ACE: variants seen among roughly 807,000 people sequenced by gnomAD.
The protein encoded by ACE is angiotensin I converting enzyme.
In ACE, 122 loss-of-function variants were observed where a neutral mutation model predicts 162.3. The observed-to-expected ratio is 0.75, with a 90% CI of 0.65 to 0.87. The LOEUF (loss-of-function observed/expected upper bound fraction) is 0.87, where lower values mean the gene tolerates loss of function less well. Ranked by LOEUF, ACE falls within the 40% of genes least tolerant of loss-of-function variation. ACE has a pLI of 0.00. For synonymous variants in ACE, 796 were observed against 720.6 expected (o/e 1.10, Z -1.68); for missense variants, 1,799 against 1,735.1 (o/e 1.04, Z -0.65).
chr17:63,487,269 C>T (rs954560589), intron 15 of ACE, among the ~76,000 whole-genome samples, 196 bp downstream of exon 15: 4 of 152,124 alleles, frequency 2.6e-5, no homozygotes, highest in Non-Finnish European at 4.4e-5. Flanking sequence ...TACCATGCCC[C>T]GATCAGCTGC....
intron 19 of ACE, 81 bp from the exon 20 acceptor site, chr17:63,493,355 A>G: frequency 3.6e-6 from 5 of 1,374,306 alleles, no homozygotes; most frequent in Non-Finnish European, 5.2e-6. Flanking sequence ...CCCTGGGTAT[A>G]GCAAGGCCCA....
At chr17:63,486,456 C>T in intron 13 of ACE, 101 bp from the exon 14 acceptor site, 1 of 1,359,196 alleles carries the variant, frequency 7.4e-7, no homozygotes, top group Non-Finnish European at 1.0e-6. Flanking sequence ...CCACTGCCCC[C>T]TCACCACCAC....
In ACE at chr17:63,489,066, G is replaced by A. The variant is rs1474446784; in HGVS notation, c.2575G>A (p.Ala859Thr). 1 of 1,613,984 alleles carries A rather than the reference G, an allele frequency of 6.2e-7. No homozygotes were observed. The highest frequency in any genetic ancestry group is 1.7e-5 in the Admixed American group (1 of 60,022). Reference protein sequence around the residue: ...YLNLHAYVRRALHRHYGAQHI... With the variant: ...YLNLHAYVRRTLHRHYGAQHI... ...CAACCTGCATGCCTACGTGCGCCGG[G>A]CCCTGCACCGTCACTACGGGGCCCA... The change falls in exon 17 of 25, where the codon GCC becomes ACC. Residue 859 changes from alanine to threonine, a missense_variant. Physicochemically the swap from Ala to Thr is moderately conservative, Grantham distance 58. Transcript: ENST00000290866.
Position 63,496,897 on chromosome 17 carries a change from C to T in ACE, c.3603C>T (p.Phe1201=). The T allele has an allele frequency of 6.2e-7, 1 of 1,613,710 alleles. No homozygotes were observed. Among genetic ancestry groups the T allele is most frequent in the Non-Finnish European group, 8.5e-7 (1 of 1,180,018 alleles). The part of the protein sequence containing the change: ...NMSASAMLSY[F]KPLLDWLRTE... ...GCGCCTCGGCCATGTTGAGCTACTTCAAGCCGCTGCTGGACTGGCTCCGCA... is the reference window on the plus strand; with the variant it reads ...GCGCCTCGGCCATGTTGAGCTACTTTAAGCCGCTGCTGGACTGGCTCCGCA... The change falls in exon 24 of 25, where the codon TTC becomes TTT. Residue 1201 remains phenylalanine (F), a synonymous_variant. Transcript: ENST00000290866.
chr17:63,478,092 G>T lies in ACE; in HGVS notation c.411G>T (p.Arg137=), dbSNP rs3729659. ...CTGCCAACCTGCCCCTGGCTAAGCG[G>T]CAGCAGGTGGGCTGAGGGCTGAGGC... ...LGSANLPLAK[R]QQYNALLSNM... is the part of the protein sequence containing the mutation. Residue 137 remains arginine, a synonymous_variant, in exon 2 of 25, where the codon CGG becomes CGT. Transcript: ENST00000290866. The T allele has an allele frequency of 1.3e-4, 208 of 1,582,346 alleles. No homozygotes were observed. The African/African-American group carries it at 2.4e-3, about 18-fold the overall frequency.
Position 63,491,292 on chromosome 17 carries a change from G to C in ACE, c.2823G>C (p.Trp941Cys). The C allele has an allele frequency of 6.2e-7, 1 of 1,614,188 alleles. No individual in the cohort carries two copies. ...TGCTGCCCGTGCCTCCTGAGTTCTG[G>C]AACAAGTCGATGCTGGAGAAGCCAA... ...LGLLPVPPEFWNKSMLEKPTD... is the reference protein window; with the variant it reads ...LGLLPVPPEFCNKSMLEKPTD... The change falls in exon 19 of 25, where the codon TGG (tryptophan) becomes TGC (cysteine). Residue 941 changes from tryptophan (W) to cysteine (C), a missense_variant. Coordinates refer to ENST00000290866, the MANE Select transcript of ACE (RefSeq NM_000789.4). The surrounding 1 kb of genome is among the most constrained non-coding windows in gnomAD (Gnocchi z 4.4).
chr17:63,496,508 G>A lies in ACE; in HGVS notation c.3495G>A (p.Gln1165=), dbSNP rs1346793506. 8 of 1,614,120 alleles carry A rather than the reference G, an allele frequency of 5.0e-6. 1 individual carries two copies. In the South Asian group the frequency reaches 8.8e-5, roughly 18 times the overall value. ...CDIYQSKEAG[Q]RLATAMKLGF... ...TCTACCAGTCCAAGGAGGCCGGGCA[G>A]CGCCTGGCGTGAGTGTCCTCCAGCC... The change falls in exon 23 of 25, where the codon CAG becomes CAA. Residue 1165 remains glutamine (Q), a synonymous_variant. Transcript: ENST00000290866.
At chr17:63,481,234 G>GCGGGGGGGGGC in intron 6 of ACE, 46 bp downstream of exon 6, 3 of 624,020 alleles carry the variant, frequency 4.8e-6, no homozygotes, top group Non-Finnish European at 9.0e-6. Context: ...CGGGGGTGGG[G>GCGGGGGGGGGC]CGCAAAAAAA....
chr17:63,486,786 C>T (rs1391775301), intron 14 of ACE, 71 bp downstream of exon 14: 2 of 1,587,426 alleles, frequency 1.3e-6, no homozygotes, highest in African/African-American at 1.3e-5. Flanking sequence ...TCTGGCCTGG[C>T]CTTCACGCTG....
chr17:63,489,465 G>T (rs1253411712), intron 17 of ACE, among the ~76,000 whole-genome samples: 1 of 152,220 alleles, frequency 6.6e-6, no homozygotes, highest in Non-Finnish European at 1.5e-5. Context: ...AGCTGGGGAG[G>T]CTTTGCCAAG....
chr17:63,495,889 A>G (rs1599156938), intron 22 of ACE, among the ~76,000 whole-genome samples: 1 of 151,762 alleles, frequency 6.6e-6, no homozygotes, highest in Non-Finnish European at 1.5e-5. Context: ...GACATTTAAA[A>G]CCTCTTCAGA....
rs13306085 is a variant in ACE, at chr17:63,482,483, G to A, written c.1136G>A (p.Arg379Gln). The A allele has an allele frequency of 3.2e-5, 51 of 1,613,786 alleles. No individual in the cohort carries two copies. The highest frequency in any genetic ancestry group is 1.9e-4 in the South Asian group (17 of 91,062). ...CGCCCCAGGATCAAGCAGTGCACAC[G>A]GGTCACGATGGACCAGCTCTCCACA... The part of the protein sequence containing the change: ...RKDFRIKQCT[R>Q]VTMDQLSTVH... The change falls in exon 8 of 25, where the codon CGG (arginine) becomes CAG (glutamine). Residue 379 changes from arginine (R) to glutamine (Q), a missense_variant. Transcript: ENST00000290866.
At position 63,477,354 on chromosome 17, in the gene ACE, G is replaced by C. The variant is rs1347535904; in HGVS notation, c.249+11G>C. ...AATGCAAGGCGCCAGGTGGGCGCCC[G>C]GGCCCGGGCGGGGGCGGGGCGGGGC... On this transcript the variant is annotated intron_variant, in intron 1 of 24. Transcript: ENST00000290866. 3.1e-6 allele frequency: 4 copies of C among 1,282,616 alleles called. No individual in the cohort carries two copies. Among genetic ancestry groups the C allele is most frequent in the Non-Finnish European group, 4.0e-6 (4 of 1,008,476 alleles). 79.5% of individuals were successfully genotyped at this position (1,282,616 alleles called of 1,614,324 possible).
In ACE at chr17:63,494,003, G is replaced by A. The variant is rs141139841; in HGVS notation, c.3218G>A (p.Arg1073His). 10 of 1,613,998 alleles carry A rather than the reference G, an allele frequency of 6.2e-6. No individual in the cohort carries two copies. Among genetic ancestry groups the A allele is most frequent in the South Asian group, 2.2e-5 (2 of 91,078 alleles). Reference sequence around the variant, plus strand: ...TTCAGCTACCTCGTCGATCAGTGGCGCTGGAGGGTATTTGATGGAAGCATC... The same window carrying A: ...TTCAGCTACCTCGTCGATCAGTGGCACTGGAGGGTATTTGATGGAAGCATC... ...IPFSYLVDQW[R>H]WRVFDGSITK... Residue 1073 changes from arginine to histidine, a missense_variant, in exon 21 of 25, where the codon CGC becomes CAC. Transcript: ENST00000290866.
intron 2 of ACE, chr17:63,478,480 A>G (rs2049655062): frequency 3.2e-6 from 1 of 310,276 alleles, no homozygotes; most frequent in Admixed American, 4.6e-5. Flanking sequence ...AGCCTGGCCA[A>G]CATGGCAAAA....
At chr17:63,483,408 C>T in intron 9 of ACE, 52 bp from the exon 10 acceptor site, 2 of 1,540,424 alleles carry the variant, frequency 1.3e-6, no homozygotes, top group Non-Finnish European at 9.0e-7. Context: ...AAAGTTAAAT[C>T]CATCTGTTTG....
At position 63,480,545 on chromosome 17, in the gene ACE, G is replaced by A. The variant is rs768150526; in HGVS notation, c.847+17G>A. On this transcript the variant is annotated intron_variant, in intron 5 of 24. Coordinates refer to ENST00000290866, the MANE Select transcript of ACE (RefSeq NM_000789.4). The stretch of plus-strand genomic sequence containing the variant: ...ATCTGCTGGGTAAGGACCTGGCCTC[G>A]CCTCCACATGAGTCCCACGGAAGTG... 4.8e-5 allele frequency: 78 copies of A among 1,612,782 alleles called. No individual in the cohort carries two copies. Among genetic ancestry groups the A allele is most frequent in the Non-Finnish European group, 5.9e-5 (70 of 1,179,918 alleles).
At position 63,484,270 on chromosome 17, in the gene ACE, G is replaced by A; in HGVS notation, c.1710-60G>A. On this transcript the variant is annotated intron_variant, in intron 11 of 24. Coordinates refer to ENST00000290866, the MANE Select transcript of ACE (RefSeq NM_000789.4). This position sits in a 1 kb window ranked among gnomAD's most constrained non-coding sequence, Gnocchi z 4.0. ...AGTGGCCAGGGGCATGTGGGCCGGG[G>A]TCCAGGAGCAGACTCCAGCCTGAGT... 6 of 1,548,414 alleles carry A rather than the reference G, an allele frequency of 3.9e-6. No individual in the cohort carries two copies. Among genetic ancestry groups the A allele is most frequent in the Non-Finnish European group, 4.4e-6 (5 of 1,145,576 alleles).
In ACE at chr17:63,477,200, C is replaced by A. The variant is rs761292178; in HGVS notation, c.106C>A (p.Pro36Thr). The change falls in exon 1 of 25, where the codon CCC becomes ACC. Residue 36 changes from proline (P) to threonine (T), a missense_variant. Transcript: ENST00000290866. Reference sequence around the variant, plus strand: ...CCTGGCGTTGGACCCCGGGCTGCAGCCCGGCAACTTTTCTGCTGACGAGGC... The same window carrying A: ...CCTGGCGTTGGACCCCGGGCTGCAGACCGGCAACTTTTCTGCTGACGAGGC... ...PALALDPGLQ[P>T]GNFSADEAGA... 3 of 1,487,144 alleles carry A rather than the reference C, an allele frequency of 2.0e-6. No individual in the cohort carries two copies. Among genetic ancestry groups the A allele is most frequent in the Non-Finnish European group, 1.8e-6 (2 of 1,122,958 alleles). 92.1% of individuals were successfully genotyped at this position (1,487,144 alleles called of 1,614,324 possible).
Sources: gnomAD v4.1 joint callset for allele counts (sites outside exome capture counted in the v4.1 genomes callset) on GRCh38, gnomAD v4.1.1 for gene constraint, Gnocchi (gnomAD v3.1) non-coding constraint, MANE v1.5 for transcripts, NCBI Gene and HGNC (gene_info 2026-07-23, HGNC 2026-07-21) for gene names.